Variants in NELL2 observed in about 807,000 individuals in gnomAD.
NELL2 encodes the protein protein kinase C-binding protein NELL2.
A neutral mutation model predicts 109.6 loss-of-function variants in NELL2; 41 were observed. That is an observed-to-expected ratio of 0.37 (90% CI 0.29 to 0.49). The LOEUF (loss-of-function observed/expected upper bound fraction) is 0.49, where lower values mean the gene tolerates loss of function less well. Ranked by LOEUF, NELL2 falls within the 20% of genes least tolerant of loss-of-function variation. The pLI is 0.98. For synonymous variants in NELL2, 355 were observed against 344.7 expected (o/e 1.03, Z -0.33); for missense variants, 900 against 1,008.3 (o/e 0.89, Z 1.45).
rs139939746 is a variant in NELL2, at chr12:44,886,260, G to A, written c.39-10360C>T. Among the ~76,000 whole-genome samples, 625 of 152,024 alleles carry A rather than the reference G, an allele frequency of 4.1e-3. 13 individuals are homozygous for A. Among genetic ancestry groups the A allele is most frequent in the African/African-American group, 0.013 (544 of 41,384 alleles). On this transcript the variant is annotated intron_variant, in intron 1 of 20. Coordinates refer to the NELL2 transcript ENST00000333837. ...ATAAAACTTTTAGAATAAAATTGTT[G>A]TGACTTGGGTTAGGCAAAGATTTCT...
In NELL2 at chr12:44,740,747, G is replaced by A. The variant is rs529293773; in HGVS notation, c.995-26006C>T. On this transcript the variant is annotated intron_variant, in intron 9 of 19. Transcript: ENST00000429094. ...GTCTCCTCTGCTATACCAAAGGAAA[G>A]TCTAAAATTCATACAAGTCCCATTT... Among the ~76,000 whole-genome samples the A allele has an allele frequency of 2.6e-5, 4 of 152,256 alleles. No individual in the cohort carries two copies. In the East Asian group the frequency reaches 7.7e-4, roughly 29 times the overall value.
chr12:44,625,524 T>C (rs1006926923), intron 13 of NELL2, among the ~76,000 whole-genome samples: 3 of 152,122 alleles, frequency 2.0e-5, no homozygotes, highest in Non-Finnish European at 4.4e-5. Context: ...ATCCTGTGTT[T>C]GGCAGAGTGT....
intron 9 of NELL2, among the ~76,000 whole-genome samples, chr12:44,767,216 T>C (rs1318244359): frequency 2.0e-5 from 3 of 152,136 alleles, no homozygotes; most frequent in African/African-American, 4.8e-5. Flanking sequence ...CCAGACAACA[T>C]TGTTTGTGGT....
chr12:44,601,599 G>T (rs924588441), intron 15 of NELL2, among the ~76,000 whole-genome samples: 26 of 152,042 alleles, frequency 1.7e-4, no homozygotes, highest in African/African-American at 5.8e-4. Context: ...GGCATCTCCA[G>T]CTAACTCAAG....
At chr12:44,522,226 A>AAC in intron 17 of NELL2, 50 bp from the exon 18 acceptor site, 1 of 1,535,168 alleles carries the variant, frequency 6.5e-7, no homozygotes, top group Non-Finnish European at 8.9e-7. Context: ...ATTTCTCAGT[A>AAC]ACACGCACAC....
At chr12:44,620,661 C>T (rs1292533188) in intron 13 of NELL2, among the ~76,000 whole-genome samples, 1 of 152,074 alleles carries the variant, frequency 6.6e-6, no homozygotes, top group Non-Finnish European at 1.5e-5. Flanking sequence ...ATCCAGGAGT[C>T]ACCATAGACT....
chr12:44,668,459 T>G (rs1592299932), intron 12 of NELL2, among the ~76,000 whole-genome samples: 1 of 152,194 alleles, frequency 6.6e-6, no homozygotes, highest in East Asian at 1.9e-4. Flanking sequence ...AAATGCTTTA[T>G]CCAGGGACCT....
At chr12:44,599,139 G>T (rs1048968695) in intron 15 of NELL2, among the ~76,000 whole-genome samples, 6 of 152,040 alleles carry the variant, frequency 3.9e-5, no homozygotes, top group Admixed American at 3.9e-4. Context: ...TCCCTGGAGG[G>T]AAAAGATCTC....
chr12:44,708,946 C>T (rs1938039944), intron 11 of NELL2, among the ~76,000 whole-genome samples: 1 of 152,004 alleles, frequency 6.6e-6, no homozygotes, highest in Non-Finnish European at 1.5e-5. Context: ...TAGCATTTTC[C>T]ATTTATTAAC....
intron 15 of NELL2, among the ~76,000 whole-genome samples, chr12:44,571,184 T>C (rs559933808): frequency 2.0e-5 from 3 of 152,344 alleles, no homozygotes; most frequent in South Asian, 4.1e-4. Context: ...AAACAGCCCT[T>C]ATAACCATTT....
chr12:44,701,334 T>C (rs1244122803), intron 12 of NELL2, among the ~76,000 whole-genome samples: 1 of 152,110 alleles, frequency 6.6e-6, no homozygotes, highest in Non-Finnish European at 1.5e-5. Context: ...TCTTATGTTT[T>C]GAAGATTATA....
rs183743297 is a variant in NELL2 at position 44,587,038 on chromosome 12, C to T, written c.1663+20131G>A. 8.8e-4 allele frequency among the ~76,000 whole-genome samples: 134 copies of T among 151,752 alleles called. 1 individual carries two copies. The highest frequency in any genetic ancestry group is 1.6e-3 in the Non-Finnish European group (107 of 67,900). On this transcript the variant is annotated intron_variant, in intron 15 of 19. Transcript: ENST00000429094. ...CTGTAATCCCGGCACTTTGGGAGGCCGAGGCGGGTGGATCATGAGGTCAGG... is the reference window on the plus strand; with the variant it reads ...CTGTAATCCCGGCACTTTGGGAGGCTGAGGCGGGTGGATCATGAGGTCAGG...
At chr12:44,600,485 A>G (rs181830640) in intron 15 of NELL2, among the ~76,000 whole-genome samples, 4 of 152,330 alleles carry the variant, frequency 2.6e-5, no homozygotes, top group Admixed American at 2.6e-4. Context: ...TTTCTCCAGC[A>G]TATTAAGTTT....
chr12:44,885,426 TG>T (rs1456308341), intron 1 of NELL2, among the ~76,000 whole-genome samples: 1 of 151,900 alleles, frequency 6.6e-6, no homozygotes, highest in Non-Finnish European at 1.5e-5. Flanking sequence ...AACTAGTAAG[TG>T]GGTTGGCAAG....
chr12:44,580,131 A>G (rs999024604), intron 15 of NELL2, among the ~76,000 whole-genome samples: 3 of 152,112 alleles, frequency 2.0e-5, no homozygotes, highest in African/African-American at 7.2e-5. Context: ...CCAAAGGTCT[A>G]CTTGATTGGA....
intron 1 of NELL2, among the ~76,000 whole-genome samples, chr12:44,901,030 A>G (rs1945654125): frequency 1.3e-5 from 2 of 150,944 alleles, no homozygotes; most frequent in African/African-American, 2.4e-5. Flanking sequence ...CTACCAGAAG[A>G]CAAGAAATAA....
chr12:44,509,230 C>A (rs1363281725), intron 19 of NELL2, among the ~76,000 whole-genome samples: 3 of 152,098 alleles, frequency 2.0e-5, no homozygotes, highest in Non-Finnish European at 2.9e-5. Flanking sequence ...CACATTTGTT[C>A]TTTCATTTAT....
At chr12:44,602,967 A>T (rs904078218) in intron 15 of NELL2, among the ~76,000 whole-genome samples, 1 of 152,156 alleles carries the variant, frequency 6.6e-6, no homozygotes, top group African/African-American at 2.4e-5. Context: ...CTATAACAGT[A>T]ATAAAATAAA....
intron 2 of NELL2, among the ~76,000 whole-genome samples, chr12:44,874,608 C>G (rs1194976152): frequency 6.6e-6 from 1 of 152,190 alleles, no homozygotes; most frequent in Admixed American, 6.5e-5. Context: ...ATGAGATACA[C>G]TTCTAGATTA....
Sources: allele counts gnomAD v4.1 joint callset (sites outside exome capture counted in the v4.1 genomes callset), GRCh38; gene constraint gnomAD v4.1.1; transcripts MANE v1.5; gene names NCBI Gene and HGNC (gene_info 2026-07-23, HGNC 2026-07-21).